PFDN1: variants seen among roughly 807,000 people sequenced by gnomAD.
The protein encoded by PFDN1 is prefoldin 1.
In PFDN1, 6 loss-of-function variants were observed where a neutral mutation model predicts 17.3. The ratio of observed to expected loss-of-function variants is 0.35; its 90% CI spans 0.19 to 0.69. The LOEUF (loss-of-function observed/expected upper bound fraction) is 0.69. Ranked by LOEUF, PFDN1 falls within the 30% of genes least tolerant of loss-of-function variation. The probability of loss-of-function intolerance (pLI) is 0.65; values close to 1 mark genes in which losing one functional copy is unlikely to be tolerated. For missense variants in PFDN1, 113 were observed against 146.2 expected, an observed-to-expected ratio of 0.77 and a Z score of 1.17; for synonymous variants, 58 against 50.1, an observed-to-expected ratio of 1.16 and a Z score of -0.67.
At position 140,265,241 on chromosome 5, in the gene PFDN1, G is replaced by C. The variant is rs1230096204; in HGVS notation, c.285+16208C>G. Among the ~76,000 whole-genome samples, 4 of 152,070 alleles carry C rather than the reference G, an allele frequency of 2.6e-5. No individual in the cohort carries two copies. The East Asian group carries it at 7.7e-4, about 29-fold the overall frequency. On this transcript the variant is annotated intron_variant, in intron 3 of 3. Transcript: ENST00000261813. ...GTCCCCTTACCACCAAGGGAGTTGA[G>C]AGCAACCCTTCAGCCTGGCCCTGTA...
intron 2 of PFDN1, among the ~76,000 whole-genome samples, chr5:140,289,196 G>C (rs1197539597): frequency 1.3e-5 from 2 of 151,342 alleles, no homozygotes; most frequent in East Asian, 3.9e-4. Context: ...CTGAGGTAGA[G>C]AACTGCTTGA....
chr5:140,257,237 A>AG (rs1385320271), intron 3 of PFDN1, among the ~76,000 whole-genome samples: 5 of 151,714 alleles, frequency 3.3e-5, no homozygotes, highest in African/African-American at 1.2e-4. Context: ...AAAAAAAAAA[A>AG]AAGCCTCTAA....
At position 140,246,204 on chromosome 5, in the gene PFDN1, C is replaced by T. The variant is rs959003034; in HGVS notation, c.286-147G>A. On this transcript the variant is annotated intron_variant, in intron 3 of 3. Transcript: ENST00000261813. ...TGCAAGCCAGGTACACACACCTGCC[C>T]ACAGTGCTCCCCTCACCTCCGAACC... 3 of 647,302 alleles carry T rather than the reference C, an allele frequency of 4.6e-6. No homozygotes were observed. In the Middle Eastern group the frequency reaches 7.5e-4, roughly 161 times the overall value. 40.1% of individuals were successfully genotyped at this position (647,302 alleles called of 1,614,324 possible).
At chr5:140,275,740 C>T (rs772404237) in intron 3 of PFDN1, among the ~76,000 whole-genome samples, 4 of 152,052 alleles carry the variant, frequency 2.6e-5, no homozygotes, top group Non-Finnish European at 5.9e-5. Flanking sequence ...GTTAGAGAAC[C>T]TGAATCAGAC....
chr5:140,278,587 A>AAAAAAAAAAAAAAAAAAAAAAAAAAC (rs1561508718), intron 3 of PFDN1, among the ~76,000 whole-genome samples: 1 of 131,784 alleles, frequency 7.6e-6, no homozygotes, highest in Non-Finnish European at 1.6e-5. Flanking sequence ...AAAAAAAAAA[A>AAAAAAAAAAAAAAAAAAAAAAAAAAC]CAAAAAACAA....
intron 2 of PFDN1, among the ~76,000 whole-genome samples, chr5:140,287,168 A>G (rs1423608989): frequency 1.3e-5 from 2 of 152,266 alleles, no homozygotes; most frequent in East Asian, 1.9e-4. Flanking sequence ...AAATTGCTTT[A>G]TATGTGTATG....
chr5:140,288,041 G>A (rs531000545), intron 2 of PFDN1, among the ~76,000 whole-genome samples: 27 of 152,306 alleles, frequency 1.8e-4, no homozygotes, highest in Admixed American at 4.6e-4. Context: ...TTCTTACAAA[G>A]CTTAACAGAT....
chr5:140,293,401 TTA>T (rs1329496937), intron 2 of PFDN1, among the ~76,000 whole-genome samples: 1 of 152,000 alleles, frequency 6.6e-6, no homozygotes, highest in Non-Finnish European at 1.5e-5. Flanking sequence ...TCAATTACAT[TTA>T]TGTTTTTAAA....
chr5:140,273,993 G>A (rs1391608105), intron 3 of PFDN1: 1 of 459,550 alleles, frequency 2.2e-6, no homozygotes, highest in Non-Finnish European at 2.9e-6. Context: ...ATGTATCATT[G>A]AAAGTTTACA....
chr5:140,261,306 T>C (rs1765062456), intron 3 of PFDN1, among the ~76,000 whole-genome samples: 1 of 151,644 alleles, frequency 6.6e-6, no homozygotes, highest in African/African-American at 2.4e-5. Context: ...TACAAACGGG[T>C]TGGGGTAAAA....
At chr5:140,253,733 C>A (rs1374508322) in intron 3 of PFDN1, among the ~76,000 whole-genome samples, 1 of 152,180 alleles carries the variant, frequency 6.6e-6, no homozygotes, top group Non-Finnish European at 1.5e-5. Flanking sequence ...TGGGGTCAAG[C>A]GATGGGCAGC....
chr5:140,263,835 C>T (rs893515990), intron 3 of PFDN1, among the ~76,000 whole-genome samples: 1 of 151,538 alleles, frequency 6.6e-6, no homozygotes, highest in African/African-American at 2.4e-5. Flanking sequence ...TCCTGACTAA[C>T]ACAGTGAAAC....
At position 140,285,646 on chromosome 5, in the gene PFDN1, GA is replaced by G. The variant is rs989314550; in HGVS notation, c.201-4114del. On this transcript the variant is annotated intron_variant, in intron 2 of 3. Coordinates refer to ENST00000261813, the MANE Select transcript of PFDN1 (RefSeq NM_002622.5). ...TGAACACTCCTGATTAGAAACAAAG[GA>G]AAAAAAAATTTTTTTTTAACATTTT... Among the ~76,000 whole-genome samples, 26 of 151,540 alleles carry G rather than the reference GA, an allele frequency of 1.7e-4. 1 individual carries two copies. The highest frequency in any genetic ancestry group is 4.8e-4 in the African/African-American group (20 of 41,292).
chr5:140,274,001 A>G, intron 3 of PFDN1: 1 of 382,968 alleles, frequency 2.6e-6, no homozygotes, highest in Non-Finnish European at 3.6e-6. Context: ...TTGAAAGTTT[A>G]CATTTACCTC....
intron 2 of PFDN1, among the ~76,000 whole-genome samples, chr5:140,291,596 G>T (rs370781622): frequency 3.3e-5 from 5 of 151,960 alleles, no homozygotes; most frequent in South Asian, 2.1e-4. Flanking sequence ...AAAAATCTGG[G>T]AGTTGTCAGT....
intron 3 of PFDN1, among the ~76,000 whole-genome samples, chr5:140,278,221 AT>A (rs1439042670): frequency 6.6e-6 from 1 of 152,078 alleles, no homozygotes; most frequent in Non-Finnish European, 1.5e-5. Context: ...ACAATAAAAA[AT>A]AAATAAATAT....
intron 3 of PFDN1, among the ~76,000 whole-genome samples, chr5:140,269,783 G>C (rs1038455153): frequency 6.6e-6 from 1 of 152,230 alleles, no homozygotes; most frequent in Non-Finnish European, 1.5e-5. Flanking sequence ...TGACTGGAGT[G>C]ACCCTAGAGA....
chr5:140,250,559 G>A (rs1205629646), intron 3 of PFDN1, among the ~76,000 whole-genome samples: 5 of 152,298 alleles, frequency 3.3e-5, no homozygotes, highest in African/African-American at 4.8e-5. Context: ...CTTATGAGAC[G>A]GAAAGGTCCA....
Position 140,289,130 on chromosome 5 carries a change from T to A in PFDN1, c.201-7597A>T, listed in dbSNP as rs562752607. Among the ~76,000 whole-genome samples, 143 of 152,000 alleles carry A rather than the reference T, an allele frequency of 9.4e-4. 1 individual carries two copies. The Middle Eastern group carries it at 0.014, about 15-fold the overall frequency. ...ACAAACTCCCATCTATACAAAAAAA[T>A]TTTTAAATTAGCTGGGTTTGGTGGC... On this transcript the variant is annotated intron_variant, in intron 2 of 3. Transcript: ENST00000261813.
Sources: allele counts gnomAD v4.1 joint callset (sites outside exome capture counted in the v4.1 genomes callset), GRCh38; gene constraint gnomAD v4.1.1; transcripts MANE v1.5; gene names NCBI Gene and HGNC (gene_info 2026-07-23, HGNC 2026-07-21).